Variants in CTDSPL2 observed in about 807,000 individuals in gnomAD.
CTDSPL2 encodes CTD small phosphatase like 2, also known as CTD small phosphatase-like protein 2.
Under a neutral mutation model 60.0 loss-of-function variants are expected in CTDSPL2, and 5 were observed. The observed-to-expected ratio is 0.08, with a 90% CI of 0.04 to 0.18. CTDSPL2 has a LOEUF of 0.18. CTDSPL2 is among the 10% of genes least tolerant of loss of function. The probability of loss-of-function intolerance (pLI) is 1.00; values close to 1 mark genes in which losing one functional copy is unlikely to be tolerated. For missense variants in CTDSPL2, 370 were observed against 548.8 expected (o/e 0.67, Z 3.26); for synonymous variants, 186 against 189.3 (o/e 0.98, Z 0.14).
intron 1 of CTDSPL2, among the ~76,000 whole-genome samples, chr15:44,433,138 A>G (rs888157976): frequency 1.3e-5 from 2 of 151,328 alleles, no homozygotes; most frequent in Admixed American, 1.3e-4. Context: ...AACATGGCGA[A>G]ACCCTGTCTC....
intron 2 of CTDSPL2, among the ~76,000 whole-genome samples, chr15:44,466,203 C>G (rs1170281782): frequency 6.6e-6 from 1 of 152,122 alleles, no homozygotes. Flanking sequence ...TCCCAAAGTG[C>G]TGGGATTACA....
At chr15:44,461,356 A>G (rs2080564725) in intron 2 of CTDSPL2, among the ~76,000 whole-genome samples, 1 of 152,130 alleles carries the variant, frequency 6.6e-6, no homozygotes, top group South Asian at 2.1e-4. Context: ...CAATCATTCA[A>G]CACATATTTT....
At chr15:44,478,309 C>G (rs189928374) in intron 2 of CTDSPL2, among the ~76,000 whole-genome samples, 1 of 151,300 alleles carries the variant, frequency 6.6e-6, no homozygotes, top group Non-Finnish European at 1.5e-5. Flanking sequence ...AAAATTTCCT[C>G]AGCGTGGTGG....
intron 1 of CTDSPL2, among the ~76,000 whole-genome samples, chr15:44,445,982 G>A (rs1287376533): frequency 1.4e-5 from 2 of 145,488 alleles, no homozygotes; most frequent in Admixed American, 1.4e-4. Context: ...CTGGAGTGCA[G>A]TGGCGCGATC....
intron 5 of CTDSPL2, among the ~76,000 whole-genome samples, chr15:44,491,666 A>T (rs1487871025): frequency 6.6e-6 from 1 of 152,108 alleles, no homozygotes; most frequent in Non-Finnish European, 1.5e-5. Context: ...TTTTATCTTA[A>T]ATTTGTTTTG....
chr15:44,493,336 CAAGAAG>C (rs2081247685), intron 5 of CTDSPL2, among the ~76,000 whole-genome samples: 4 of 152,094 alleles, frequency 2.6e-5, no homozygotes, highest in African/African-American at 9.7e-5. Context: ...CCAAAGAGAA[CAAGAAG>C]GTAGGAAGCT....
At chr15:44,450,589 A>ATTTT (rs36016079) in intron 1 of CTDSPL2, among the ~76,000 whole-genome samples, 53 of 88,694 alleles carry the variant, frequency 6.0e-4, no homozygotes, top group African/African-American at 9.0e-4. Flanking sequence ...TATATTCTTA[A>ATTTT]TTTTTTTTTT....
intron 8 of CTDSPL2, among the ~76,000 whole-genome samples, chr15:44,507,632 T>G (rs1359319031): frequency 2.0e-5 from 3 of 152,218 alleles, no homozygotes; most frequent in Non-Finnish European, 4.4e-5. Context: ...GTTTTATCTT[T>G]AAGTTCTGGT....
chr15:44,443,155 G>C (rs1424940263), intron 1 of CTDSPL2, among the ~76,000 whole-genome samples: 1 of 152,128 alleles, frequency 6.6e-6, no homozygotes, highest in Non-Finnish European at 1.5e-5. Flanking sequence ...TCTACCATCT[G>C]TCTCCAGAAC....
At chr15:44,479,059 T>TA (rs1010003194) in intron 2 of CTDSPL2, among the ~76,000 whole-genome samples, 35 of 145,888 alleles carry the variant, frequency 2.4e-4, no homozygotes, top group East Asian at 8.0e-4. Flanking sequence ...TTCATTTCTT[T>TA]AAAAAAAAAC....
intron 2 of CTDSPL2, among the ~76,000 whole-genome samples, chr15:44,483,748 G>A (rs1392625081): frequency 3.9e-5 from 6 of 152,094 alleles, no homozygotes; most frequent in East Asian, 1.9e-4. Context: ...TTGAATAATT[G>A]AGGTAGGCAG....
At chr15:44,458,659 C>T (rs959184643) in intron 1 of CTDSPL2, among the ~76,000 whole-genome samples, 5 of 152,086 alleles carry the variant, frequency 3.3e-5, no homozygotes, top group South Asian at 2.1e-4. Flanking sequence ...ATTTGTCGAA[C>T]GAACGATTAA....
intron 3 of CTDSPL2, among the ~76,000 whole-genome samples, chr15:44,485,449 T>C (rs1001551835): frequency 1.3e-5 from 2 of 152,220 alleles, no homozygotes; most frequent in Non-Finnish European, 2.9e-5. Flanking sequence ...AGGATGAAAC[T>C]GTTCCATCTC....
At chr15:44,444,499 T>C (rs949561116) in intron 1 of CTDSPL2, among the ~76,000 whole-genome samples, 1 of 151,792 alleles carries the variant, frequency 6.6e-6, no homozygotes, top group African/African-American at 2.4e-5. Context: ...CACACATCAC[T>C]ACACCTGGCT....
chr15:44,524,388 C>G lies in CTDSPL2; in HGVS notation c.*214C>G, dbSNP rs2081840197. The G allele has an allele frequency of 1.9e-6, 1 of 514,492 alleles. No individual in the cohort carries two copies. The highest frequency in any genetic ancestry group is 3.2e-5 in the East Asian group (1 of 31,706). The allele number at this position is 514,492 out of a possible 1,614,324, so 31.9% of individuals were successfully genotyped here. On this transcript the variant is annotated 3_prime_UTR_variant, in exon 13 of 13. Coordinates refer to ENST00000260327, the MANE Select transcript of CTDSPL2 (RefSeq NM_016396.3). Reference sequence around the variant, plus strand: ...AGTAGGTAGGCTAAAACAGAAGAGTCTTTAGAACTAGTGCAACTCCAGTGA... The same window carrying G: ...AGTAGGTAGGCTAAAACAGAAGAGTGTTTAGAACTAGTGCAACTCCAGTGA...
Position 44,429,425 on chromosome 15 carries a change from A to T in CTDSPL2, c.-25+1653A>T, listed in dbSNP as rs1445823453. ...CTGTATTTTAATGACCTTTTTGGGT[A>T]GTTAATAGCGTTAATGTTTTTAATA... On this transcript the variant is annotated intron_variant, in intron 1 of 12. Coordinates refer to ENST00000260327, the MANE Select transcript of CTDSPL2 (RefSeq NM_016396.3). Among the ~76,000 whole-genome samples the T allele has an allele frequency of 2.0e-5, 3 of 152,214 alleles. No individual in the cohort carries two copies. In the East Asian group the frequency reaches 5.8e-4, roughly 29 times the overall value.
At chr15:44,462,309 A>G (rs1048156602) in intron 2 of CTDSPL2, among the ~76,000 whole-genome samples, 1 of 152,114 alleles carries the variant, frequency 6.6e-6, no homozygotes, top group African/African-American at 2.4e-5. Flanking sequence ...TTGGTCAGCA[A>G]ATTTTGGCTC....
At chr15:44,514,450 TTGG>T (rs1483547128) in intron 8 of CTDSPL2, 145 bp from the exon 9 acceptor site, 1 of 604,934 alleles carries the variant, frequency 1.7e-6, no homozygotes, top group African/African-American at 1.9e-5. Flanking sequence ...TGAAATATAC[TTGG>T]TTTGAGTGGT....
chr15:44,428,748 C>T (rs1287390458), intron 1 of CTDSPL2, among the ~76,000 whole-genome samples: 1 of 152,176 alleles, frequency 6.6e-6, no homozygotes, highest in Non-Finnish European at 1.5e-5. Flanking sequence ...GTGTAATTTT[C>T]AAATTGTAGA....
Sources: gnomAD v4.1 joint callset for allele counts (sites outside exome capture counted in the v4.1 genomes callset) on GRCh38, gnomAD v4.1.1 for gene constraint, MANE v1.5 for transcripts, NCBI Gene and HGNC (gene_info 2026-07-23, HGNC 2026-07-21) for gene names.